The following ZCWPW2 variants were observed in gnomAD, a reference collection of about 807,000 sequenced individuals.
The protein encoded by ZCWPW2 is zinc finger CW-type PWWP domain protein 2.
ZCWPW2 carries 45 observed loss-of-function variants against 46.6 expected under a neutral mutation model. The ratio of observed to expected loss-of-function variants is 0.96; its 90% CI spans 0.76 to 1.24. The LOEUF is 1.24. Among genes scored for constraint, ZCWPW2 ranks in the 50% most tolerant of loss-of-function variants. ZCWPW2 has a pLI of 0.00. For missense variants in ZCWPW2, 429 were observed against 403.9 expected (o/e 1.06, Z -0.53); for synonymous variants, 152 against 137.1 (o/e 1.11, Z -0.76).
At chr3:28,421,701 G>A (rs1010308289) in intron 3 of ZCWPW2, among the ~76,000 whole-genome samples, 4 of 151,496 alleles carry the variant, frequency 2.6e-5, no homozygotes, top group Non-Finnish European at 2.9e-5. Context: ...CCAGTCTATC[G>A]TTTTCTCTTC....
intron 4 of ZCWPW2, among the ~76,000 whole-genome samples, chr3:28,465,847 AG>A (rs899690382): frequency 1.3e-5 from 2 of 152,198 alleles, no homozygotes; most frequent in African/African-American, 4.8e-5. Flanking sequence ...GTCAGGTCAT[AG>A]TCTTTCTGCC....
intron 6 of ZCWPW2, chr3:28,511,105 C>G: frequency 2.2e-6 from 1 of 454,614 alleles, no homozygotes; most frequent in Non-Finnish European, 4.4e-6. Context: ...AGGATCAACA[C>G]TGGAGAGAGA....
At position 28,371,942 on chromosome 3, in the gene ZCWPW2, ATCTTCCTTCTTCT is replaced by A. The variant is rs1705347210; in HGVS notation, c.-133-18541_-133-18529del. Among the ~76,000 whole-genome samples, 3 of 149,364 alleles carry A rather than the reference ATCTTCCTTCTTCT, an allele frequency of 2.0e-5. No individual in the cohort carries two copies. The South Asian group carries it at 6.4e-4, about 32-fold the overall frequency. On this transcript the variant is annotated intron_variant, in intron 1 of 9. Coordinates refer to ENST00000383768, the MANE Select transcript of ZCWPW2 (RefSeq NM_001040432.4). ...CTTCTTCTCTTTTGTTTGTTCTTTC[ATCTTCCTTCTTCT>A]TCTTCCTTCTTCTTTCCTCCTCCTC...
chr3:28,422,453 A>G (rs1422448380), intron 3 of ZCWPW2, among the ~76,000 whole-genome samples: 4 of 152,166 alleles, frequency 2.6e-5, no homozygotes, highest in African/African-American at 9.7e-5. Context: ...CTAGAATGCC[A>G]TATAGTTGAG....
At chr3:28,367,283 G>A (rs1453283054) in intron 1 of ZCWPW2, among the ~76,000 whole-genome samples, 2 of 152,186 alleles carry the variant, frequency 1.3e-5, no homozygotes, top group Non-Finnish European at 2.9e-5. Context: ...TGGGCATTCA[G>A]TGCTATAAAT....
At chr3:28,473,290 A>T (rs892553469) in intron 4 of ZCWPW2, among the ~76,000 whole-genome samples, 2 of 152,082 alleles carry the variant, frequency 1.3e-5, no homozygotes, top group African/African-American at 4.8e-5. Flanking sequence ...AGCCCGCCCA[A>T]CATGACAAAC....
chr3:28,391,887 A>T (rs757732133), intron 2 of ZCWPW2, among the ~76,000 whole-genome samples: 1 of 152,108 alleles, frequency 6.6e-6, no homozygotes, highest in Non-Finnish European at 1.5e-5. Context: ...AGAGAAAGAC[A>T]GGAAGAAAGG....
intron 4 of ZCWPW2, among the ~76,000 whole-genome samples, chr3:28,455,035 C>G (rs113665452): frequency 6.4e-4 from 98 of 152,088 alleles, no homozygotes; most frequent in Non-Finnish European, 1.2e-3. Context: ...GTATTTCTGT[C>G]TCAAGATCTT....
intron 6 of ZCWPW2, among the ~76,000 whole-genome samples, chr3:28,497,998 T>C (rs933512428): frequency 1.3e-5 from 2 of 151,972 alleles, no homozygotes; most frequent in Non-Finnish European, 2.9e-5. Flanking sequence ...TACTCTAATA[T>C]CCCGTGAACT....
At chr3:28,393,008 A>T (rs1390486027) in intron 2 of ZCWPW2, among the ~76,000 whole-genome samples, 1 of 152,070 alleles carries the variant, frequency 6.6e-6, no homozygotes, top group Non-Finnish European at 1.5e-5. Context: ...AAGATCAAAG[A>T]AACTAAAACT....
intron 1 of ZCWPW2, among the ~76,000 whole-genome samples, chr3:28,383,116 ACTGT>A (rs1695158750): frequency 6.6e-6 from 1 of 152,154 alleles, no homozygotes; most frequent in Non-Finnish European, 1.5e-5. Flanking sequence ...AGGTAACTTG[ACTGT>A]CTATGTTGCA....
At chr3:28,509,332 G>A (rs1700364151) in intron 6 of ZCWPW2, among the ~76,000 whole-genome samples, 1 of 151,902 alleles carries the variant, frequency 6.6e-6, no homozygotes, top group African/African-American at 2.4e-5. Context: ...TATTTTTCTT[G>A]GGTATATACC....
intron 2 of ZCWPW2, among the ~76,000 whole-genome samples, chr3:28,412,836 T>A (rs1696457030): frequency 6.6e-6 from 1 of 152,036 alleles, no homozygotes; most frequent in South Asian, 2.1e-4. Context: ...TATTTTTAAT[T>A]TTGGTGCATT....
intron 1 of ZCWPW2, among the ~76,000 whole-genome samples, chr3:28,387,267 G>A (rs1028145110): frequency 3.3e-5 from 5 of 152,098 alleles, no homozygotes; most frequent in African/African-American, 1.2e-4. Flanking sequence ...TCTGCACATG[G>A]TTTTCTTCTC....
At chr3:28,350,356 C>T (rs1380134549) in intron 1 of ZCWPW2, among the ~76,000 whole-genome samples, 1 of 152,136 alleles carries the variant, frequency 6.6e-6, no homozygotes, top group Admixed American at 6.5e-5. Context: ...GTTGAAAAGG[C>T]AGGGGACATC....
intron 4 of ZCWPW2, among the ~76,000 whole-genome samples, chr3:28,474,586 C>CGTGTGTGTGTGTGT (rs71087699): frequency 6.2e-4 from 84 of 136,198 alleles, no homozygotes; most frequent in Non-Finnish European, 7.0e-4. Flanking sequence ...TTAAATACAG[C>CGTGTGTGTGTGTGT]GTGTGTGTGT....
At chr3:28,441,279 C>A (rs1249947154) in intron 4 of ZCWPW2, among the ~76,000 whole-genome samples, 1 of 152,180 alleles carries the variant, frequency 6.6e-6, no homozygotes, top group Non-Finnish European at 1.5e-5. Flanking sequence ...ACCTCTTCCC[C>A]AAATTTCTTT....
At chr3:28,357,794 A>T (rs985199817) in intron 1 of ZCWPW2, among the ~76,000 whole-genome samples, 4 of 139,834 alleles carry the variant, frequency 2.9e-5, no homozygotes, top group Middle Eastern at 3.7e-3. Context: ...TAGTTGGTAT[A>T]TTTTATATAT....
intron 4 of ZCWPW2, among the ~76,000 whole-genome samples, chr3:28,436,156 A>G (rs1697480325): frequency 6.6e-6 from 1 of 152,124 alleles, no homozygotes; most frequent in South Asian, 2.1e-4. Context: ...AACTGGACCT[A>G]TTTCCACATA....
Sources: allele counts gnomAD v4.1 joint callset (sites outside exome capture counted in the v4.1 genomes callset), GRCh38; gene constraint gnomAD v4.1.1; transcripts MANE v1.5; gene names NCBI Gene and HGNC (gene_info 2026-07-23, HGNC 2026-07-21).